The following SV2C variants were observed in gnomAD, a reference collection of about 807,000 sequenced individuals.
SV2C encodes the protein synaptic vesicle glycoprotein 2C, also known as solute carrier family 22 member B3.
In SV2C, 49 loss-of-function variants were observed where a neutral mutation model predicts 79.7. That is an observed-to-expected ratio of 0.61 (90% CI 0.49 to 0.78). The LOEUF (loss-of-function observed/expected upper bound fraction) is 0.78, where lower values mean the gene tolerates loss of function less well. Among genes scored for constraint, SV2C ranks in the 30% least tolerant of loss-of-function variants. The pLI is 0.00. For missense variants in SV2C, 833 were observed against 912.9 expected, an observed-to-expected ratio of 0.91 and a Z score of 1.13; for synonymous variants, 334 against 333.2, an observed-to-expected ratio of 1.00 and a Z score of -0.03.
At chr5:76,106,775 A>G (rs76551755) in intron 1 of SV2C, among the ~76,000 whole-genome samples, 2,210 of 151,948 alleles carry the variant, frequency 0.015, 55 homozygotes, top group African/African-American at 0.046. Flanking sequence ...CACACAACCT[A>G]TCCCCTCCCT....
chr5:75,867,713 G>A, the SV2C span, among the ~76,000 whole-genome samples: 1 of 152,178 alleles, frequency 6.6e-6, no homozygotes, highest in African/African-American at 2.4e-5. Flanking sequence ...CCTTCCTGTT[G>A]ATGGTGAAGA....
chr5:76,036,335 A>G, the SV2C span, among the ~76,000 whole-genome samples: 2 of 151,610 alleles, frequency 1.3e-5, no homozygotes, highest in East Asian at 3.9e-4. Context: ...GTTTCTTCCT[A>G]GTCTCAGTGG....
At chr5:75,860,824 A>G in the SV2C span, among the ~76,000 whole-genome samples, 1 of 152,212 alleles carries the variant, frequency 6.6e-6, no homozygotes. Flanking sequence ...TGACAGAAAT[A>G]AGCAATGGGG....
the SV2C span, among the ~76,000 whole-genome samples, chr5:75,888,588 G>A: frequency 6.6e-6 from 1 of 151,964 alleles, no homozygotes; most frequent in East Asian, 1.9e-4. Context: ...TCAGCCTTTA[G>A]GTCTCAACTT....
At chr5:76,055,423 A>C in the SV2C span, among the ~76,000 whole-genome samples, 77 of 152,306 alleles carry the variant, frequency 5.1e-4, no homozygotes, top group African/African-American at 1.7e-3. Context: ...GTTTAGTGTC[A>C]GGTAGCATGA....
chr5:76,124,578 GT>G (rs1362645132), intron 1 of SV2C, among the ~76,000 whole-genome samples: 1 of 152,146 alleles, frequency 6.6e-6, no homozygotes, highest in African/African-American at 2.4e-5. Context: ...AATCATAGAT[GT>G]ATAAATATCT....
chr5:76,173,955 C>T, intron 2 of SV2C: 3 of 1,566,950 alleles, frequency 1.9e-6, no homozygotes, highest in South Asian at 1.1e-5. Flanking sequence ...AATGCAAACC[C>T]TTGTCCATTT....
chr5:75,847,948 A>C, the SV2C span, among the ~76,000 whole-genome samples: 9 of 152,216 alleles, frequency 5.9e-5, no homozygotes, highest in Non-Finnish European at 1.3e-4. Flanking sequence ...CAAGATGGAG[A>C]GAAAAGCCCA....
the SV2C span, among the ~76,000 whole-genome samples, chr5:75,967,144 A>C: frequency 6.6e-6 from 1 of 152,132 alleles, no homozygotes; most frequent in Non-Finnish European, 1.5e-5. Flanking sequence ...GACCAGCCTG[A>C]GCAACATGGT....
In SV2C at chr5:76,298,882, T is replaced by C; in HGVS notation, c.1591T>C (p.Tyr531His). 6.2e-7 allele frequency: 1 copy of C among 1,614,006 alleles called. No individual in the cohort carries two copies. Among genetic ancestry groups the C allele is most frequent in the Non-Finnish European group, 8.5e-7 (1 of 1,179,906 alleles). ...TFEDVTSVNT[Y>H]FKNCTFIDTV... The stretch of plus-strand genomic sequence containing the variant: ...TGAGGATGTAACTTCAGTGAACACC[T>C]ACTTCAAGAACTGCACATTTATTGA... The change falls in exon 10 of 13, where the codon TAC (tyrosine) becomes CAC (histidine). Residue 531 changes from tyrosine to histidine, a missense_variant. Coordinates refer to ENST00000502798, the MANE Select transcript of SV2C (RefSeq NM_014979.4).
At chr5:76,002,883 G>T in the SV2C span, among the ~76,000 whole-genome samples, 2 of 151,474 alleles carry the variant, frequency 1.3e-5, no homozygotes, top group Non-Finnish European at 3.0e-5. Flanking sequence ...TTTAAAATAT[G>T]TAAATAAAGT....
At chr5:76,198,865 A>G (rs779399985) in intron 3 of SV2C, among the ~76,000 whole-genome samples, 32 of 152,146 alleles carry the variant, frequency 2.1e-4, no homozygotes, top group South Asian at 6.2e-4. Flanking sequence ...GGAACCATGC[A>G]AGGACTTTCA....
chr5:75,950,820 A>G, the SV2C span, among the ~76,000 whole-genome samples: 2 of 152,020 alleles, frequency 1.3e-5, no homozygotes, highest in East Asian at 3.9e-4. Context: ...ATGTTTAAAC[A>G]ATAGTAATAT....
rs370616360 is a variant in SV2C at position 76,088,130 on chromosome 5, C to T, written c.-102+4618C>T. 1.3e-3 allele frequency among the ~76,000 whole-genome samples: 204 copies of T among 152,280 alleles called. 1 individual carries two copies. Among genetic ancestry groups the T allele is most frequent in the African/African-American group, 4.5e-3 (188 of 41,556 alleles). On this transcript the variant is annotated intron_variant, in intron 1 of 12. Coordinates refer to ENST00000502798, the MANE Select transcript of SV2C (RefSeq NM_014979.4). ...TCAGTCTCCTTCTGCAACCTGCCCC[C>T]GCTTACCTCTAATATATTAACTCCT...
intron 1 of SV2C, among the ~76,000 whole-genome samples, chr5:76,086,497 A>G (rs1747203376): frequency 6.6e-6 from 1 of 152,232 alleles, no homozygotes; most frequent in Non-Finnish European, 1.5e-5. Flanking sequence ...AAAACCTTCA[A>G]TACACCAGCG....
chr5:76,292,833 A>G (rs894629164), intron 8 of SV2C, among the ~76,000 whole-genome samples: 4 of 152,242 alleles, frequency 2.6e-5, no homozygotes, highest in African/African-American at 9.6e-5. Context: ...TAGTCACTTT[A>G]GAATGTGTGT....
intron 4 of SV2C, among the ~76,000 whole-genome samples, chr5:76,276,102 T>G (rs1355554967): frequency 6.6e-6 from 1 of 152,228 alleles, no homozygotes; most frequent in Non-Finnish European, 1.5e-5. Context: ...CTCCACTTTC[T>G]GATTTTGTAG....
chr5:76,107,379 G>A (rs9293666), intron 1 of SV2C, among the ~76,000 whole-genome samples: 30,257 of 152,048 alleles, frequency 0.2, 3,307 homozygotes, highest in East Asian at 0.45. Context: ...TACCTCACAC[G>A]GTTTAGGAAA....
chr5:76,253,742 CT>C (rs1339443590), intron 4 of SV2C, among the ~76,000 whole-genome samples: 1 of 148,976 alleles, frequency 6.7e-6, no homozygotes, highest in Non-Finnish European at 1.5e-5. Context: ...CCTTTCCTTA[CT>C]ACGAAGATTT....
Sources: gnomAD v4.1 joint callset for allele counts (sites outside exome capture counted in the v4.1 genomes callset) on GRCh38, gnomAD v4.1.1 for gene constraint, MANE v1.5 for transcripts, NCBI Gene and HGNC (gene_info 2026-07-23, HGNC 2026-07-21) for gene names.